Variants in BORA observed in about 807,000 individuals in gnomAD.
The protein encoded by BORA is BORA aurora kinase A activator.
A neutral mutation model predicts 55.8 loss-of-function variants in BORA; 26 were observed. The observed-to-expected ratio is 0.47, with a 90% CI of 0.34 to 0.65. BORA has a LOEUF of 0.65. Among genes scored for constraint, BORA ranks in the 30% least tolerant of loss-of-function variants. The probability of loss-of-function intolerance (pLI) is 0.01; values close to 1 mark genes in which losing one functional copy is unlikely to be tolerated. For missense variants in BORA, 568 were observed against 671.5 expected, an observed-to-expected ratio of 0.85 and a Z score of 1.70; for synonymous variants, 201 against 216.9, an observed-to-expected ratio of 0.93 and a Z score of 0.64.
Position 72,745,927 on chromosome 13 carries a change from A to G in BORA, c.739-17A>G. On this transcript the variant is annotated splice_polypyrimidine_tract_variant and intron_variant, in intron 8 of 11. Transcript: ENST00000390667. Reference sequence around the variant, plus strand: ...AGAGAACCATATACATTTATTTACTATTTAATTTTATTACAGGGGCAGTTT... The same window carrying G: ...AGAGAACCATATACATTTATTTACTGTTTAATTTTATTACAGGGGCAGTTT... 6 of 1,595,890 alleles carry G rather than the reference A, an allele frequency of 3.8e-6. No homozygotes were observed. The highest frequency in any genetic ancestry group is 5.1e-6 in the Non-Finnish European group (6 of 1,171,298).
At chr13:72,729,229 T>G (rs1408118893) in intron 2 of BORA, 136 bp downstream of exon 2, 4 of 775,712 alleles carry the variant, frequency 5.2e-6, no homozygotes, top group Non-Finnish European at 7.6e-6. Context: ...ATATACTTTT[T>G]TAAATTGTAG....
At chr13:72,730,077 G>A (rs1229226806) in intron 2 of BORA, among the ~76,000 whole-genome samples, 12 of 151,908 alleles carry the variant, frequency 7.9e-5, no homozygotes, top group Non-Finnish European at 1.5e-4. Context: ...TTACAGGCAT[G>A]AGCCACCATG....
chr13:72,735,287 T>C (rs561701002), intron 4 of BORA, among the ~76,000 whole-genome samples: 1 of 152,324 alleles, frequency 6.6e-6, no homozygotes, highest in Non-Finnish European at 1.5e-5. Flanking sequence ...CTTCATCCTT[T>C]CATTCTCAGG....
chr13:72,741,574 A>T (rs1368852369), intron 5 of BORA, among the ~76,000 whole-genome samples: 2 of 151,862 alleles, frequency 1.3e-5, no homozygotes, highest in East Asian at 3.9e-4. Context: ...TTTGTTCTTG[A>T]TATCCTGGGT....
chr13:72,729,104 C>A lies in BORA; in HGVS notation c.153+11C>A. ...TCAACAAAATTACCAGTAAGTTATT[C>A]CTGACTAGTGTTTACAACTAATTTT... On this transcript the variant is annotated intron_variant, in intron 2 of 11. Transcript: ENST00000390667. 6.5e-7 allele frequency: 1 copy of A among 1,531,286 alleles called. No homozygotes were observed. Among genetic ancestry groups the A allele is most frequent in the Non-Finnish European group, 8.8e-7 (1 of 1,140,892 alleles). The allele number at this position is 1,531,286 out of a possible 1,614,324, so 94.9% of individuals were successfully genotyped here.
chr13:72,746,538 A>G lies in BORA; in HGVS notation c.909A>G (p.Ser303=). Residue 303 remains serine (S), a synonymous_variant, in exon 10 of 12, where the codon TCA becomes TCG. Transcript: ENST00000390667. ...TTACTGTTCATTCTCCTGATGCTTC[A>G]TCTGGAACAAATTCTAATGGGATAA... The part of the protein sequence containing the change: ...RKFTVHSPDA[S]SGTNSNGITN... 6.2e-7 allele frequency: 1 copy of G among 1,613,608 alleles called. No homozygotes were observed. Among genetic ancestry groups the G allele is most frequent in the African/African-American group, 1.3e-5 (1 of 75,010 alleles).
At chr13:72,749,872 C>A (rs570717122) in intron 10 of BORA, among the ~76,000 whole-genome samples, 1 of 152,208 alleles carries the variant, frequency 6.6e-6, no homozygotes, top group African/African-American at 2.4e-5. Flanking sequence ...TTAGCCAGGC[C>A]AGACCTCATT....
At chr13:72,731,872 A>G (rs1326130458) in intron 3 of BORA, among the ~76,000 whole-genome samples, 3 of 152,210 alleles carry the variant, frequency 2.0e-5, no homozygotes, top group African/African-American at 7.2e-5. Flanking sequence ...TTTAGACATC[A>G]TCCAACTGTA....
chr13:72,746,292 TAGCAA>T (rs1334538594), intron 9 of BORA, among the ~76,000 whole-genome samples: 1 of 152,218 alleles, frequency 6.6e-6, no homozygotes, highest in African/African-American at 2.4e-5. Context: ...TTACTTTAAT[TAGCAA>T]TATTTACATC....
intron 11 of BORA, 138 bp downstream of exon 11, chr13:72,753,959 C>A: frequency 1.1e-6 from 1 of 870,012 alleles, no homozygotes; most frequent in Non-Finnish European, 1.7e-6. Context: ...TCTTAACATC[C>A]AATAACCTTT....
intron 4 of BORA, among the ~76,000 whole-genome samples, chr13:72,737,286 A>G (rs1167986315): frequency 6.6e-6 from 1 of 152,166 alleles, no homozygotes; most frequent in Non-Finnish European, 1.5e-5. Context: ...TACTCCAACC[A>G]TGGCCAGTTT....
rs1171470617 is a variant in BORA, at chr13:72,756,152, T to TAA, written c.*940_*941dup. On this transcript the variant is annotated 3_prime_UTR_variant, in exon 12 of 12. Transcript: ENST00000390667. ...ATTTTTGTATTTATAAATCAACTTT[T>TAA]AAAAACTGTCTCATTCAAAAGGGAA... is the stretch of plus-strand genomic sequence containing the variant. The TAA allele has an allele frequency of 2.0e-5, 4 of 198,180 alleles. No homozygotes were observed. Among genetic ancestry groups the TAA allele is most frequent in the Non-Finnish European group, 3.3e-5 (4 of 120,614 alleles). 12.3% of individuals were successfully genotyped at this position (198,180 alleles called of 1,614,324 possible).
chr13:72,746,207 G>T, intron 9 of BORA, 131 bp downstream of exon 9: 1 of 945,038 alleles, frequency 1.1e-6, no homozygotes. Context: ...TAGGAACTTT[G>T]ATTTTTAAAT....
At chr13:72,728,697 C>T (rs910757751) in intron 1 of BORA, among the ~76,000 whole-genome samples, 2 of 152,112 alleles carry the variant, frequency 1.3e-5, no homozygotes, top group Admixed American at 1.3e-4. Flanking sequence ...TTAATACTTT[C>T]GCAAAATAAT....
intron 3 of BORA, among the ~76,000 whole-genome samples, chr13:72,734,127 C>T (rs1424721356): frequency 6.6e-6 from 1 of 152,136 alleles, no homozygotes; most frequent in Admixed American, 6.5e-5. Flanking sequence ...ATTAAATAAT[C>T]TGTACAACAA....
At chr13:72,744,434 G>A (rs936077829) in intron 6 of BORA, 71 bp from the exon 7 acceptor site, 9 of 1,309,086 alleles carry the variant, frequency 6.9e-6, no homozygotes, top group African/African-American at 2.9e-5. Flanking sequence ...AGCACATGCT[G>A]AATTGTATAG....
In BORA at chr13:72,745,932, A is replaced by T. The variant is rs1259869283; in HGVS notation, c.739-12A>T. 1 of 1,599,030 alleles carries T rather than the reference A, an allele frequency of 6.3e-7. No individual in the cohort carries two copies. The highest frequency in any genetic ancestry group is 1.1e-5 in the South Asian group (1 of 88,076). ...ACCATATACATTTATTTACTATTTA[A>T]TTTTATTACAGGGGCAGTTTTCTTC... On this transcript the variant is annotated splice_polypyrimidine_tract_variant and intron_variant, in intron 8 of 11. Transcript: ENST00000390667.
At position 72,756,114 on chromosome 13, in the gene BORA, C is replaced by T. The variant is rs1400091418; in HGVS notation, c.*898C>T. On this transcript the variant is annotated 3_prime_UTR_variant, in exon 12 of 12. Coordinates refer to ENST00000390667, the MANE Select transcript of BORA (RefSeq NM_024808.5). ...GTATATAACAGTTTGGAAATACTAT[C>T]TTTGGAGAATGTATTTTTGTATTTA... 7.6e-6 allele frequency: 3 copies of T among 395,676 alleles called. No homozygotes were observed. The highest frequency in any genetic ancestry group is 4.1e-5 in the African/African-American group (2 of 48,372). 24.5% of individuals were successfully genotyped at this position (395,676 alleles called of 1,614,324 possible).
chr13:72,743,724 ATTTATT>A (rs899342981), intron 6 of BORA, 122 bp downstream of exon 6: 1 of 735,862 alleles, frequency 1.4e-6, no homozygotes, highest in African/African-American at 1.9e-5. Flanking sequence ...TTTTTTTTTA[ATTTATT>A]TTTGTTTTTT....
Sources: allele counts gnomAD v4.1 joint callset (sites outside exome capture counted in the v4.1 genomes callset), GRCh38; gene constraint gnomAD v4.1.1; transcripts MANE v1.5; gene names NCBI Gene and HGNC (gene_info 2026-07-23, HGNC 2026-07-21).